Variants in NDST1 observed in about 807,000 individuals in gnomAD.
NDST1 encodes the protein bifunctional heparan sulfate N-deacetylase/N-sulfotransferase 1.
In NDST1, 35 loss-of-function variants were observed where a neutral mutation model predicts 92.8. The observed-to-expected ratio is 0.38, with a 90% confidence interval of 0.29 to 0.50. The LOEUF (loss-of-function observed/expected upper bound fraction) is 0.50, where lower values mean the gene tolerates loss of function less well. Among genes scored for constraint, NDST1 ranks in the 20% least tolerant of loss-of-function variants. The probability of loss-of-function intolerance (pLI) is 0.94; values close to 1 mark genes in which losing one functional copy is unlikely to be tolerated. For synonymous variants in NDST1, 493 were observed against 500.3 expected (o/e 0.99, Z 0.19); for missense variants, 822 against 1,182.7 (o/e 0.69, Z 4.47).
rs1415753016 is a variant in NDST1 at position 150,541,678 on chromosome 5, T to A, written c.1846+12T>A. 1 of 1,613,322 alleles carries A rather than the reference T, an allele frequency of 6.2e-7. No homozygotes were observed. The highest frequency in any genetic ancestry group is 1.3e-5 in the African/African-American group (1 of 74,916). ...CCCCCAGAAAACAGGCAGGTCTCTC[T>A]GCTCTTGACCGAGCTTCCCCAACTG... is the stretch of plus-strand genomic sequence containing the variant. On this transcript the variant is annotated intron_variant, in intron 9 of 14. Transcript: ENST00000261797.
chr5:150,541,433 G>A, intron 8 of NDST1, 137 bp from the exon 9 acceptor site: 2 of 773,084 alleles, frequency 2.6e-6, no homozygotes, highest in Non-Finnish European at 4.6e-6. Context: ...GTGTCTGGGG[G>A]TGGGGATGTG....
intron 2 of NDST1, among the ~76,000 whole-genome samples, chr5:150,523,285 G>C (rs991352510): frequency 6.6e-6 from 1 of 152,182 alleles, no homozygotes; most frequent in Non-Finnish European, 1.5e-5. Flanking sequence ...TCCATTGTCT[G>C]GTTGTCTCTT....
At chr5:150,529,368 G>C (rs1754617555) in intron 3 of NDST1, among the ~76,000 whole-genome samples, 1 of 132,522 alleles carries the variant, frequency 7.5e-6, no homozygotes, top group Non-Finnish European at 1.5e-5. Context: ...TCCAGCCTGG[G>C]CCACAGAGCA....
chr5:150,501,015 G>C (rs190109585), intron 1 of NDST1, among the ~76,000 whole-genome samples: 1 of 152,274 alleles, frequency 6.6e-6, no homozygotes, highest in East Asian at 1.9e-4. Flanking sequence ...ATGAACCATC[G>C]TCACAGCCAC....
At chr5:150,546,503 G>A (rs192387379) in intron 11 of NDST1, among the ~76,000 whole-genome samples, 18 of 152,218 alleles carry the variant, frequency 1.2e-4, no homozygotes, top group African/African-American at 4.1e-4. Context: ...TGTCCAGGCC[G>A]AGGTCCTGAG....
Position 150,554,205 on chromosome 5 carries a change from C to T in NDST1, c.*873C>T, listed in dbSNP as rs1049986719. 10 of 398,518 alleles carry T rather than the reference C, an allele frequency of 2.5e-5. No individual in the cohort carries two copies. In the Admixed American group the frequency reaches 3.5e-4, roughly 14 times the overall value. 24.7% of individuals were successfully genotyped at this position (398,518 alleles called of 1,614,324 possible). Reference sequence around the variant, plus strand: ...ACTGCCAGCCACGGCTTTGCTTAGCCACCTGTGGCCGAGGGCTCTCAGAGA... The same window carrying T: ...ACTGCCAGCCACGGCTTTGCTTAGCTACCTGTGGCCGAGGGCTCTCAGAGA... On this transcript the variant is annotated 3_prime_UTR_variant, in exon 15 of 15. Transcript: ENST00000261797.
intron 1 of NDST1, among the ~76,000 whole-genome samples, chr5:150,512,818 C>G (rs986597171): frequency 2.6e-5 from 4 of 152,178 alleles, no homozygotes; most frequent in Admixed American, 6.5e-5. Context: ...AGTATAAACC[C>G]CATTTTAGAT....
chr5:150,527,683 G>A, intron 2 of NDST1, 121 bp from the exon 3 acceptor site: 1 of 1,435,880 alleles, frequency 7.0e-7, no homozygotes. Flanking sequence ...AGGGTGGTGA[G>A]CCCTCCATGA....
Position 150,533,039 on chromosome 5 carries a change from G to T in NDST1, c.1096+7G>T. Reference sequence around the variant, plus strand: ...GGGAAATTCTTCCACACAGGTAAGTGGGCCTGCCCCTGCCCTCACTAGCAA... The same window carrying T: ...GGGAAATTCTTCCACACAGGTAAGTTGGCCTGCCCCTGCCCTCACTAGCAA... On this transcript the variant is annotated splice_region_variant and intron_variant, in intron 4 of 14. Transcript: ENST00000261797. 1 of 1,613,768 alleles carries T rather than the reference G, an allele frequency of 6.2e-7. No homozygotes were observed. Among genetic ancestry groups the T allele is most frequent in the Non-Finnish European group, 8.5e-7 (1 of 1,179,650 alleles).
chr5:150,514,560 C>CAA (rs34675841), intron 1 of NDST1, among the ~76,000 whole-genome samples: 99 of 54,024 alleles, frequency 1.8e-3, no homozygotes, highest in Middle Eastern at 0.017. Flanking sequence ...GACTCCGTCT[C>CAA]AAAAAAAAAA....
chr5:150,552,812 T>TG (rs1365347685), intron 14 of NDST1, among the ~76,000 whole-genome samples: 1 of 152,080 alleles, frequency 6.6e-6, no homozygotes, highest in Non-Finnish European at 1.5e-5. Context: ...AAGAGGTGTA[T>TG]GGGGGGTGGT....
chr5:150,549,842 C>G (rs1462087773), intron 13 of NDST1, 55 bp downstream of exon 13: 3 of 1,042,900 alleles, frequency 2.9e-6, no homozygotes, highest in African/African-American at 1.6e-5. Context: ...GCACCTGGGC[C>G]AACAAAGCCA....
intron 2 of NDST1, among the ~76,000 whole-genome samples, chr5:150,522,485 C>G: frequency 6.6e-6 from 1 of 152,018 alleles, no homozygotes. Context: ...AGGCTGTGGT[C>G]AGAGAAGTCT....
At chr5:150,518,141 C>T (rs991553748) in intron 1 of NDST1, among the ~76,000 whole-genome samples, 1 of 152,184 alleles carries the variant, frequency 6.6e-6, no homozygotes, top group African/African-American at 2.4e-5. Flanking sequence ...CTCTTATCTC[C>T]AAGCTGTGGT....
chr5:150,517,133 C>T (rs920827395), intron 1 of NDST1, among the ~76,000 whole-genome samples: 12 of 152,036 alleles, frequency 7.9e-5, no homozygotes, highest in African/African-American at 2.9e-4. Flanking sequence ...CCCCCATTAT[C>T]AACATCCCCC....
At chr5:150,525,421 C>A (rs1257254556) in intron 2 of NDST1, among the ~76,000 whole-genome samples, 1 of 152,172 alleles carries the variant, frequency 6.6e-6, no homozygotes, top group Non-Finnish European at 1.5e-5. Context: ...ATGGACAAGG[C>A]CTGAAATGTC....
At chr5:150,502,538 A>G (rs1753281170) in intron 1 of NDST1, among the ~76,000 whole-genome samples, 1 of 151,960 alleles carries the variant, frequency 6.6e-6, no homozygotes, top group Non-Finnish European at 1.5e-5. Flanking sequence ...CATGGTGCAC[A>G]TGGGTGCTGG....
intron 14 of NDST1, among the ~76,000 whole-genome samples, chr5:150,552,939 C>T (rs1166916677): frequency 2.0e-5 from 3 of 152,076 alleles, no homozygotes; most frequent in Non-Finnish European, 4.4e-5. Context: ...CTCCGCTTTC[C>T]GGGTTCAAAA....
At chr5:150,529,550 C>G (rs1420364689) in intron 3 of NDST1, among the ~76,000 whole-genome samples, 2 of 152,212 alleles carry the variant, frequency 1.3e-5, no homozygotes, top group Non-Finnish European at 2.9e-5. Context: ...CATCTACTCA[C>G]TATTTTATTT....
Sources: allele counts gnomAD v4.1 joint callset (sites outside exome capture counted in the v4.1 genomes callset), GRCh38; gene constraint gnomAD v4.1.1; transcripts MANE v1.5; gene names NCBI Gene and HGNC (gene_info 2026-07-23, HGNC 2026-07-21).